Variants in PTPRD observed in about 807,000 individuals in gnomAD.
The protein encoded by PTPRD is receptor-type tyrosine-protein phosphatase delta.
A neutral mutation model predicts 214.5 loss-of-function variants in PTPRD; 34 were observed. That is an observed-to-expected ratio of 0.16 (90% CI 0.12 to 0.21). The LOEUF (loss-of-function observed/expected upper bound fraction) is 0.21, where lower values mean the gene tolerates loss of function less well. PTPRD is among the 10% of genes least tolerant of loss of function. The pLI is 1.00. For synonymous variants in PTPRD, 1,128 were observed against 845.7 expected (o/e 1.33, Z -5.79); for missense variants, 2,545 against 2,398.7 (o/e 1.06, Z -1.27).
rs2084556246 is a variant in PTPRD, at chr9:8,557,797, CACACACACACATATAT to C, written c.353-29034_353-29019del. Reference sequence around the variant, plus strand: ...AACAAAATACACACACACACACACACACACACACACATATATACACACACACATATGCATATATGTG... The same window carrying C: ...AACAAAATACACACACACACACACACACACACACACATATGCATATATGTG... On this transcript the variant is annotated intron_variant, in intron 14 of 45. Transcript: ENST00000381196. 3.6e-5 allele frequency among the ~76,000 whole-genome samples: 5 copies of C among 140,018 alleles called. No homozygotes were observed. The South Asian group carries it at 6.8e-4, about 19-fold the overall frequency. The allele number at this position is 140,018 out of a possible 152,430, so 91.9% of individuals were successfully genotyped here. A position where few individuals can be genotyped will look rare whatever the true frequency, so the allele number is the denominator to read the frequency against.
At chr9:9,129,396 T>A (rs1395028086) in intron 10 of PTPRD, among the ~76,000 whole-genome samples, 2 of 152,112 alleles carry the variant, frequency 1.3e-5, no homozygotes, top group Non-Finnish European at 2.9e-5. Context: ...AATAAATAAA[T>A]AAATAAATAA....
chr9:8,446,038 G>A (rs1231321312), intron 34 of PTPRD, among the ~76,000 whole-genome samples: 1 of 152,138 alleles, frequency 6.6e-6, no homozygotes, highest in Non-Finnish European at 1.5e-5. Flanking sequence ...TTGTCTAAAA[G>A]TTTGAAAATG....
At chr9:9,376,084 TTAG>T (rs2140081268) in intron 9 of PTPRD, among the ~76,000 whole-genome samples, 1 of 134,044 alleles carries the variant, frequency 7.5e-6, no homozygotes, top group East Asian at 2.3e-4. Flanking sequence ...TCATTATTAT[TTAG>T]TAGATCTTAA....
intron 12 of PTPRD, among the ~76,000 whole-genome samples, chr9:8,706,084 T>G (rs1435371808): frequency 2.0e-5 from 3 of 152,194 alleles, no homozygotes; most frequent in Admixed American, 6.5e-5. Flanking sequence ...CAGACTCACT[T>G]AGTCCAAGCA....
chr9:8,343,834 T>A (rs1854904922), intron 39 of PTPRD, among the ~76,000 whole-genome samples: 1 of 152,058 alleles, frequency 6.6e-6, no homozygotes, highest in Non-Finnish European at 1.5e-5. Flanking sequence ...TGGCTTGAGA[T>A]GCCTGCAGTA....
intron 7 of PTPRD, among the ~76,000 whole-genome samples, chr9:9,583,183 T>C (rs1313800138): frequency 6.6e-6 from 1 of 152,006 alleles, no homozygotes; most frequent in Non-Finnish European, 1.5e-5. Context: ...CTTCAAAAAG[T>C]ATACAATGAA....
chr9:8,641,330 T>G (rs1215319746), intron 12 of PTPRD, among the ~76,000 whole-genome samples: 1 of 148,286 alleles, frequency 6.7e-6, no homozygotes, highest in Non-Finnish European at 1.5e-5. Context: ...TATCAAGGTA[T>G]AAAGATGGGG....
chr9:8,569,027 G>C (rs942288449), intron 14 of PTPRD, among the ~76,000 whole-genome samples: 2 of 151,942 alleles, frequency 1.3e-5, no homozygotes, highest in African/African-American at 4.8e-5. Flanking sequence ...ACAAAATCAT[G>C]TTTGTTGTCA....
At chr9:10,358,472 T>C (rs981699539) in intron 2 of PTPRD, among the ~76,000 whole-genome samples, 6 of 151,936 alleles carry the variant, frequency 3.9e-5, no homozygotes, top group Non-Finnish European at 7.4e-5. Context: ...TATTAGACAG[T>C]ATATTTACTT....
At chr9:10,596,033 C>T (rs62535919) in intron 2 of PTPRD, among the ~76,000 whole-genome samples, 5,337 of 151,806 alleles carry the variant, frequency 0.035, 124 homozygotes, top group Non-Finnish European at 0.053. Flanking sequence ...TTCTAATCCA[C>T]CAGTTATATA....
intron 9 of PTPRD, among the ~76,000 whole-genome samples, chr9:9,395,192 A>AC (rs1246346868): frequency 1.3e-5 from 2 of 151,602 alleles, no homozygotes; most frequent in African/African-American, 2.4e-5. Flanking sequence ...TGAAACAAAA[A>AC]AAAAAAAAAG....
chr9:8,975,855 T>C (rs1431701450), intron 11 of PTPRD, among the ~76,000 whole-genome samples: 2 of 151,828 alleles, frequency 1.3e-5, no homozygotes, highest in Admixed American at 1.3e-4. Flanking sequence ...ATTTTCTCTA[T>C]GCTAGCTTTC....
In PTPRD at chr9:9,947,304, T is replaced by TATATATATGTA. The variant is rs1566613791; in HGVS notation, c.-471-8695_-471-8694insTACATATATAT. Among the ~76,000 whole-genome samples, 372 of 79,854 alleles carry TATATATATGTA rather than the reference T, an allele frequency of 4.7e-3. 13 individuals carry two copies. Among genetic ancestry groups the TATATATATGTA allele is most frequent in the African/African-American group, 9.1e-3 (156 of 17,054 alleles). The allele number at this position is 79,854 out of a possible 152,430, so 52.4% of individuals were successfully genotyped here. A position where few individuals can be genotyped will look rare whatever the true frequency, so the allele number is the denominator to read the frequency against. On this transcript the variant is annotated intron_variant, in intron 4 of 45. Coordinates refer to ENST00000381196, the MANE Select transcript of PTPRD (RefSeq NM_002839.4). ...TGTGCTCTGGAGATTATATATATAT[T>TATATATATGTA]TTATATATATATTATATATATTATA...
intron 7 of PTPRD, among the ~76,000 whole-genome samples, chr9:9,650,978 A>G (rs910616152): frequency 5.3e-5 from 8 of 152,082 alleles, no homozygotes; most frequent in African/African-American, 1.7e-4. Context: ...GGACATTTAT[A>G]TTAAATTATA....
At position 9,741,169 on chromosome 9, in the gene PTPRD, C is replaced by G. The variant is rs2098396478; in HGVS notation, c.-325-6598G>C. ...TGTATTGAGTTTGAAAACGCTATAG[C>G]TTTTTCTGGGTACATAGTTCTGAAA... On this transcript the variant is annotated intron_variant, in intron 6 of 45. Transcript: ENST00000381196. Among the ~76,000 whole-genome samples, 7 of 152,210 alleles carry G rather than the reference C, an allele frequency of 4.6e-5. No homozygotes were observed. The South Asian group carries it at 1.5e-3, about 32-fold the overall frequency.
At chr9:9,428,973 C>G (rs1174574022) in intron 8 of PTPRD, among the ~76,000 whole-genome samples, 2 of 152,094 alleles carry the variant, frequency 1.3e-5, no homozygotes, top group Non-Finnish European at 2.9e-5. Context: ...AATTGACACC[C>G]TAATATCACA....
intron 8 of PTPRD, among the ~76,000 whole-genome samples, chr9:9,563,205 T>C (rs2083424239): frequency 1.3e-5 from 2 of 152,016 alleles, no homozygotes; most frequent in Admixed American, 6.6e-5. Flanking sequence ...GTAATAAAAG[T>C]TGTAAGGAGC....
At chr9:8,810,385 G>T (rs1336085136) in intron 11 of PTPRD, among the ~76,000 whole-genome samples, 2 of 152,044 alleles carry the variant, frequency 1.3e-5, no homozygotes, top group Non-Finnish European at 2.9e-5. Context: ...CTCTTCCTTT[G>T]AAAGCCTCAA....
intron 7 of PTPRD, among the ~76,000 whole-genome samples, chr9:9,699,682 G>A (rs1303891953): frequency 6.6e-6 from 1 of 152,110 alleles, no homozygotes; most frequent in Non-Finnish European, 1.5e-5. Flanking sequence ...GCTTCTATTT[G>A]CTAACAGAGC....
Sources: allele counts gnomAD v4.1 joint callset (sites outside exome capture counted in the v4.1 genomes callset), GRCh38; gene constraint gnomAD v4.1.1; transcripts MANE v1.5; gene names NCBI Gene and HGNC (gene_info 2026-07-23, HGNC 2026-07-21).